CDH13: variants seen among roughly 807,000 people sequenced by gnomAD.
CDH13 encodes cadherin-13.
A neutral mutation model predicts 63.8 loss-of-function variants in CDH13; 24 were observed. The ratio of observed to expected loss-of-function variants is 0.38; its 90% confidence interval spans 0.27 to 0.53. The LOEUF is 0.53. CDH13 is among the 20% of genes least tolerant of loss of function. The pLI is 0.85. For missense variants in CDH13, 1,049 were observed against 903.1 expected, an observed-to-expected ratio of 1.16 and a Z score of -2.07; for synonymous variants, 503 against 355.3, an observed-to-expected ratio of 1.42 and a Z score of -4.67.
At chr16:83,170,488 A>G (rs1380429184) in intron 4 of CDH13, among the ~76,000 whole-genome samples, 1 of 152,164 alleles carries the variant, frequency 6.6e-6, no homozygotes, top group Non-Finnish European at 1.5e-5. Context: ...GCAAAGCGTG[A>G]GAAACTCACC....
At chr16:83,147,664 G>A (rs907191684) in intron 4 of CDH13, among the ~76,000 whole-genome samples, 3 of 151,988 alleles carry the variant, frequency 2.0e-5, no homozygotes, top group South Asian at 4.2e-4. Context: ...CATCCTTATG[G>A]GAAAGGGACA....
At chr16:83,535,887 GAAAC>G (rs984532889) in intron 7 of CDH13, among the ~76,000 whole-genome samples, 2 of 144,198 alleles carry the variant, frequency 1.4e-5, no homozygotes, top group African/African-American at 5.1e-5. Flanking sequence ...AAGAGAAAGA[GAAAC>G]AAAGAAAAGA....
At chr16:83,461,973 A>G (rs1396932077) in intron 6 of CDH13, among the ~76,000 whole-genome samples, 3 of 152,192 alleles carry the variant, frequency 2.0e-5, no homozygotes, top group Admixed American at 6.5e-5. Flanking sequence ...CCCTGTCCCT[A>G]CATGTGTGCT....
chr16:83,596,197 A>C (rs1179059307), intron 7 of CDH13, among the ~76,000 whole-genome samples: 2 of 152,190 alleles, frequency 1.3e-5, no homozygotes, highest in Non-Finnish European at 2.9e-5. Flanking sequence ...GTGACAGGGC[A>C]GCTGGACAAG....
At chr16:83,670,730 A>C in intron 8 of CDH13, 60 bp from the exon 9 acceptor site, 1 of 1,447,194 alleles carries the variant, frequency 6.9e-7, no homozygotes, top group South Asian at 1.2e-5. Context: ...AATGCAAAGC[A>C]TGTAGTAAAT....
chr16:82,830,082 G>T (rs1172403732), intron 1 of CDH13, among the ~76,000 whole-genome samples: 1 of 152,158 alleles, frequency 6.6e-6, no homozygotes, highest in African/African-American at 2.4e-5. Context: ...AAATGTTATT[G>T]TTACTACTTT....
At chr16:83,408,132 T>C (rs1321246209) in intron 6 of CDH13, among the ~76,000 whole-genome samples, 1 of 152,148 alleles carries the variant, frequency 6.6e-6, no homozygotes, top group African/African-American at 2.4e-5. Flanking sequence ...CCGGTCTCAT[T>C]CTCCTGACAC....
chr16:82,740,158 A>G (rs979772825), intron 1 of CDH13, among the ~76,000 whole-genome samples: 1 of 151,958 alleles, frequency 6.6e-6, no homozygotes, highest in Non-Finnish European at 1.5e-5. Context: ...ATTCTTATTT[A>G]CAATATGGAC....
At chr16:82,988,553 G>T (rs1490799580) in intron 2 of CDH13, among the ~76,000 whole-genome samples, 1 of 152,084 alleles carries the variant, frequency 6.6e-6, no homozygotes, top group Non-Finnish European at 1.5e-5. Context: ...CCTGAGGTCA[G>T]GAGTTCGAGA....
At chr16:82,918,551 C>G (rs189902975) in intron 2 of CDH13, among the ~76,000 whole-genome samples, 371 of 149,150 alleles carry the variant, frequency 2.5e-3, no homozygotes, top group Non-Finnish European at 4.4e-3. Flanking sequence ...CTCTGTCACC[C>G]AGGCTGGAGT....
At chr16:82,715,033 C>T (rs1003569689) in intron 1 of CDH13, among the ~76,000 whole-genome samples, 2 of 145,112 alleles carry the variant, frequency 1.4e-5, no homozygotes, top group Non-Finnish European at 3.0e-5. Flanking sequence ...AAACTCTTTC[C>T]ACTATGTCTA....
chr16:83,304,691 G>T (rs188850036), intron 5 of CDH13, among the ~76,000 whole-genome samples: 1 of 152,340 alleles, frequency 6.6e-6, no homozygotes, highest in East Asian at 1.9e-4. Context: ...TGTTGTACGA[G>T]AGAGTGTGGA....
intron 3 of CDH13, among the ~76,000 whole-genome samples, chr16:83,117,877 G>C (rs75796824): frequency 0.012 from 1,880 of 151,830 alleles, 32 homozygotes; most frequent in African/African-American, 0.043. Flanking sequence ...TCCAGACAGC[G>C]TGATACTTGC....
intron 2 of CDH13, among the ~76,000 whole-genome samples, chr16:82,938,246 T>C (rs1478831141): frequency 6.6e-6 from 1 of 152,236 alleles, no homozygotes; most frequent in Non-Finnish European, 1.5e-5. Flanking sequence ...GGTTACATTG[T>C]ATATCTTACC....
At chr16:83,021,202 G>T (rs946941258) in intron 2 of CDH13, among the ~76,000 whole-genome samples, 1 of 152,174 alleles carries the variant, frequency 6.6e-6, no homozygotes, top group African/African-American at 2.4e-5. Context: ...ATCATTCTCA[G>T]TTGTGTTTGG....
intron 1 of CDH13, among the ~76,000 whole-genome samples, chr16:82,777,020 C>A (rs1032245711): frequency 6.6e-6 from 1 of 152,210 alleles, no homozygotes; most frequent in South Asian, 2.1e-4. Context: ...ATCATAGTTT[C>A]CTGCAGCCTT....
intron 1 of CDH13, among the ~76,000 whole-genome samples, chr16:82,653,372 G>A (rs1425436716): frequency 1.3e-5 from 2 of 152,202 alleles, no homozygotes; most frequent in African/African-American, 4.8e-5. Context: ...CCTCAGGTGT[G>A]TTGGAAATAC....
At chr16:83,601,051 G>C (rs1459995964) in intron 7 of CDH13, among the ~76,000 whole-genome samples, 1 of 152,100 alleles carries the variant, frequency 6.6e-6, no homozygotes, top group Non-Finnish European at 1.5e-5. Context: ...GTCAAACACA[G>C]GGCCTGGACT....
At chr16:83,261,188 A>T (rs1353076252) in intron 5 of CDH13, among the ~76,000 whole-genome samples, 1 of 152,172 alleles carries the variant, frequency 6.6e-6, no homozygotes, top group Non-Finnish European at 1.5e-5. Context: ...GGGGGCGTGC[A>T]TGCGGAGTGG....
Sources: allele counts gnomAD v4.1 joint callset (sites outside exome capture counted in the v4.1 genomes callset), GRCh38; gene constraint gnomAD v4.1.1; transcripts MANE v1.5; gene names NCBI Gene and HGNC (gene_info 2026-07-23, HGNC 2026-07-21).